Variants in TLN2 observed in about 807,000 individuals in gnomAD.
The protein encoded by TLN2 is talin-2.
A neutral mutation model predicts 294.7 loss-of-function variants in TLN2; 118 were observed. That is an observed-to-expected ratio of 0.40 (90% CI 0.34 to 0.47). The LOEUF is 0.47. Ranked by LOEUF, TLN2 falls within the 20% of genes least tolerant of loss-of-function variation. The probability of loss-of-function intolerance (pLI) is 0.84; values close to 1 mark genes in which losing one functional copy is unlikely to be tolerated. For missense variants in TLN2, 3,083 were observed against 3,282.2 expected (o/e 0.94, Z 1.48); for synonymous variants, 1,431 against 1,304.5 (o/e 1.10, Z -2.09).
Position 62,733,264 on chromosome 15 carries a change from A to G in TLN2, c.3359-3614A>G, listed in dbSNP as rs116309870. Among the ~76,000 whole-genome samples, 676 of 152,330 alleles carry G rather than the reference A, an allele frequency of 4.4e-3. 6 individuals carry two copies. Among genetic ancestry groups the G allele is most frequent in the African/African-American group, 0.016 (658 of 41,582 alleles). On this transcript the variant is annotated intron_variant, in intron 28 of 58. Transcript: ENST00000636159. ...GAAAGTCATGTCAAATGGGAGACTT[A>G]AGCATCCATTAGCTTTAGGAATAAG...
chr15:62,593,888 G>C (rs960913957), intron 2 of TLN2, among the ~76,000 whole-genome samples: 11 of 152,170 alleles, frequency 7.2e-5, no homozygotes, highest in Non-Finnish European at 1.6e-4. Flanking sequence ...AAACGTTGAG[G>C]AAAATCCTGC....
intron 1 of TLN2, among the ~76,000 whole-genome samples, chr15:62,578,109 T>C (rs2044589372): frequency 6.6e-6 from 1 of 152,254 alleles, no homozygotes; most frequent in Non-Finnish European, 1.5e-5. Context: ...GACATTTGGG[T>C]TGGTTCCAAG....
At chr15:62,631,277 T>C (rs1239226553) in intron 3 of TLN2, among the ~76,000 whole-genome samples, 2 of 152,098 alleles carry the variant, frequency 1.3e-5, no homozygotes, top group Non-Finnish European at 2.9e-5. Flanking sequence ...ACTGTTGTAT[T>C]GGGGATTAAG....
At chr15:62,738,466 C>T (rs1402756255) in intron 30 of TLN2, 133 bp downstream of exon 30, 1 of 1,258,832 alleles carries the variant, frequency 7.9e-7, no homozygotes, top group Non-Finnish European at 1.0e-6. Context: ...TCCCGCCAGT[C>T]TTTGTTTTCC....
intron 22 of TLN2, among the ~76,000 whole-genome samples, chr15:62,716,116 T>G (rs972234801): frequency 6.6e-6 from 1 of 152,234 alleles, no homozygotes; most frequent in Non-Finnish European, 1.5e-5. Context: ...AATTATTACT[T>G]TGGATTTCTA....
intron 45 of TLN2, among the ~76,000 whole-genome samples, chr15:62,787,530 C>T (rs1416983014): frequency 1.3e-5 from 2 of 152,212 alleles, no homozygotes; most frequent in East Asian, 1.9e-4. Flanking sequence ...TCTCAAGTAA[C>T]ACTTTTCTAA....
In TLN2 at chr15:62,736,883, G is replaced by T. The variant is rs1567492321; in HGVS notation, c.3364G>T (p.Ala1122Ser). The T allele has an allele frequency of 6.2e-7, 1 of 1,613,192 alleles. No individual in the cohort carries two copies. Among genetic ancestry groups the T allele is most frequent in the Non-Finnish European group, 8.5e-7 (1 of 1,179,356 alleles). ...TGATGGACTTTTTCCCCCAGGGGTG[G>T]CTGCTAGAGAGACGGCCCAAGCTCT... ...AQGNEHYTGV[A>S]ARETAQALKT... Residue 1122 changes from alanine (A) to serine (S), a missense_variant, in exon 29 of 59, where the codon GCT becomes TCT. By Grantham distance (99) the Ala-to-Ser change is moderately conservative. Transcript: ENST00000636159.
chr15:62,667,006 C>T (rs187328468), intron 9 of TLN2, among the ~76,000 whole-genome samples: 12 of 152,224 alleles, frequency 7.9e-5, no homozygotes, highest in Non-Finnish European at 1.5e-5. Flanking sequence ...CGCTCTGTCG[C>T]CCAGGCTGGA....
chr15:62,442,619 G>A (rs2035610723), intron 1 of TLN2, among the ~76,000 whole-genome samples: 1 of 151,698 alleles, frequency 6.6e-6, no homozygotes, highest in South Asian at 2.1e-4. Flanking sequence ...ACATTTTGGT[G>A]ACCAGAAGTG....
chr15:62,479,889 T>A (rs1410821515), intron 1 of TLN2, among the ~76,000 whole-genome samples: 1 of 152,238 alleles, frequency 6.6e-6, no homozygotes, highest in Admixed American at 6.5e-5. Flanking sequence ...ATCTGTTAAA[T>A]AAACTCAACA....
chr15:62,450,517 GTA>G (rs1566980930), intron 1 of TLN2, among the ~76,000 whole-genome samples: 9 of 59,648 alleles, frequency 1.5e-4, no homozygotes, highest in African/African-American at 3.8e-4. Context: ...CATCGTGTAT[GTA>G]TGTATGTATG....
intron 50 of TLN2, among the ~76,000 whole-genome samples, chr15:62,801,227 T>C (rs1336884317): frequency 6.6e-6 from 1 of 152,192 alleles, no homozygotes; most frequent in South Asian, 2.1e-4. Context: ...CCTGAGACAC[T>C]TCCCTTTAAA....
At chr15:62,799,465 A>T (rs1022088670) in intron 48 of TLN2, among the ~76,000 whole-genome samples, 12 of 152,246 alleles carry the variant, frequency 7.9e-5, no homozygotes, top group Non-Finnish European at 1.6e-4. Flanking sequence ...CTTTGAAAAG[A>T]TGATCTGTGG....
chr15:62,489,192 T>C (rs1419526133), intron 1 of TLN2, among the ~76,000 whole-genome samples: 1 of 152,058 alleles, frequency 6.6e-6, no homozygotes, highest in South Asian at 2.1e-4. Flanking sequence ...AAATATAGAA[T>C]GCACAACTCC....
chr15:62,740,915 C>A, intron 32 of TLN2, 146 bp downstream of exon 32: 3 of 993,880 alleles, frequency 3.0e-6, no homozygotes, highest in African/African-American at 1.6e-5. Flanking sequence ...GAGTGATGGA[C>A]ACTCTGATAT....
intron 1 of TLN2, among the ~76,000 whole-genome samples, chr15:62,422,962 C>T (rs1363788105): frequency 6.6e-6 from 1 of 152,200 alleles, no homozygotes; most frequent in Non-Finnish European, 1.5e-5. Flanking sequence ...CTCAGACAAG[C>T]CCACAGACAG....
chr15:62,667,246 G>A (rs574139256), intron 9 of TLN2, among the ~76,000 whole-genome samples: 36 of 152,280 alleles, frequency 2.4e-4, no homozygotes, highest in Non-Finnish European at 4.4e-4. Context: ...GATTACAGGC[G>A]TGAGCCACCG....
At chr15:62,785,180 A>G (rs2064535788) in intron 45 of TLN2, among the ~76,000 whole-genome samples, 1 of 152,228 alleles carries the variant, frequency 6.6e-6, no homozygotes, top group Non-Finnish European at 1.5e-5. Flanking sequence ...CTACCAAGAA[A>G]AGAGAGTTAT....
intron 1 of TLN2, among the ~76,000 whole-genome samples, chr15:62,546,441 G>A (rs1447952503): frequency 6.6e-6 from 1 of 152,170 alleles, no homozygotes; most frequent in Non-Finnish European, 1.5e-5. Context: ...CTTGTGCTGT[G>A]TTAATTTTGG....
Sources: allele counts gnomAD v4.1 joint callset (sites outside exome capture counted in the v4.1 genomes callset), GRCh38; gene constraint gnomAD v4.1.1; transcripts MANE v1.5; gene names NCBI Gene and HGNC (gene_info 2026-07-23, HGNC 2026-07-21).